NRXN3: variants seen among roughly 807,000 people sequenced by gnomAD.
The protein encoded by NRXN3 is neurexin III.
NRXN3 carries 32 observed loss-of-function variants against 137.6 expected under a neutral mutation model. That is an observed-to-expected ratio of 0.23 (90% CI 0.18 to 0.31). The LOEUF is 0.31. Ranked by LOEUF, NRXN3 falls within the 10% of genes least tolerant of loss-of-function variation. The probability of loss-of-function intolerance (pLI) is 1.00; values close to 1 mark genes in which losing one functional copy is unlikely to be tolerated. For synonymous variants in NRXN3, 798 were observed against 784.5 expected (o/e 1.02, Z -0.29); for missense variants, 1,574 against 2,062.5 (o/e 0.76, Z 4.59).
chr14:78,399,999 T>C (rs1431339026), intron 4 of NRXN3, among the ~76,000 whole-genome samples: 4 of 152,258 alleles, frequency 2.6e-5, no homozygotes, highest in Non-Finnish European at 5.9e-5. Context: ...TTCTTTGTTT[T>C]TACAATATCT....
At chr14:78,668,530 G>C (rs187547481) in intron 6 of NRXN3, among the ~76,000 whole-genome samples, 2 of 152,160 alleles carry the variant, frequency 1.3e-5, no homozygotes, top group African/African-American at 4.8e-5. Flanking sequence ...GGGGAGTAAA[G>C]GGATATTGAA....
At chr14:79,594,196 C>T (rs567043876) in intron 16 of NRXN3, among the ~76,000 whole-genome samples, 37 of 152,128 alleles carry the variant, frequency 2.4e-4, no homozygotes, top group Non-Finnish European at 4.4e-4. Flanking sequence ...GAAATAATGT[C>T]TAAGTATATC....
intron 16 of NRXN3, among the ~76,000 whole-genome samples, chr14:79,492,583 G>A (rs139713283): frequency 9.2e-5 from 14 of 152,154 alleles, no homozygotes; most frequent in South Asian, 2.1e-4. Context: ...GGTTTTCGCC[G>A]TGTTGGCCAG....
At chr14:79,308,905 A>AT (rs1191339242) in intron 15 of NRXN3, among the ~76,000 whole-genome samples, 21 of 77,584 alleles carry the variant, frequency 2.7e-4, no homozygotes, top group African/African-American at 1.1e-3. Flanking sequence ...TTTTTATTTT[A>AT]TTTATTTATT....
intron 7 of NRXN3, among the ~76,000 whole-genome samples, chr14:78,713,225 C>T (rs930424990): frequency 1.3e-5 from 2 of 152,128 alleles, no homozygotes; most frequent in African/African-American, 2.4e-5. Flanking sequence ...TCTACAATCT[C>T]ATTTGATGCT....
intron 15 of NRXN3, among the ~76,000 whole-genome samples, chr14:79,278,629 TCAGGACTACAGGC>T (rs1197814390): frequency 1.3e-5 from 2 of 152,176 alleles, no homozygotes; most frequent in Admixed American, 1.3e-4. Context: ...AGTTTTTTGA[TCAGGACTACAGGC>T]GCGGACGATA....
chr14:79,013,365 A>G (rs888289285), intron 15 of NRXN3, among the ~76,000 whole-genome samples: 1 of 152,166 alleles, frequency 6.6e-6, no homozygotes, highest in Non-Finnish European at 1.5e-5. Context: ...AAAGCAGGCC[A>G]ATTTTATGCC....
intron 16 of NRXN3, among the ~76,000 whole-genome samples, chr14:79,484,172 C>T (rs2096634517): frequency 6.6e-6 from 1 of 152,130 alleles, no homozygotes; most frequent in African/African-American, 2.4e-5. Context: ...TCCCATTGCC[C>T]CAGCACATCC....
chr14:79,523,499 A>G (rs1261752691), intron 16 of NRXN3, among the ~76,000 whole-genome samples: 1 of 152,232 alleles, frequency 6.6e-6, no homozygotes, highest in East Asian at 1.9e-4. Flanking sequence ...CAATTACTGT[A>G]TAAGTAAAAT....
chr14:79,187,373 A>C (rs1164508195), intron 15 of NRXN3, among the ~76,000 whole-genome samples: 2 of 152,160 alleles, frequency 1.3e-5, no homozygotes, highest in African/African-American at 4.8e-5. Context: ...TTTAATCTTT[A>C]CAATATTTCT....
chr14:78,637,331 A>G (rs1363828450), intron 4 of NRXN3, among the ~76,000 whole-genome samples: 5 of 152,190 alleles, frequency 3.3e-5, no homozygotes, highest in Non-Finnish European at 5.9e-5. Context: ...TCATAACTCA[A>G]GACACATTTT....
chr14:79,215,299 G>A (rs1337341203), intron 15 of NRXN3, among the ~76,000 whole-genome samples: 1 of 151,882 alleles, frequency 6.6e-6, no homozygotes, highest in African/African-American at 2.4e-5. Flanking sequence ...TATAATATTT[G>A]CAGCTTGGTC....
At chr14:79,558,774 G>A (rs936766944) in intron 16 of NRXN3, among the ~76,000 whole-genome samples, 1 of 152,098 alleles carries the variant, frequency 6.6e-6, no homozygotes, top group African/African-American at 2.4e-5. Context: ...TAAAACAAGA[G>A]AGTCAGCCCA....
chr14:79,354,369 A>G (rs1310268613), intron 15 of NRXN3, among the ~76,000 whole-genome samples: 1 of 152,158 alleles, frequency 6.6e-6, no homozygotes, highest in Non-Finnish European at 1.5e-5. Context: ...AAAAATGTTA[A>G]TTTTCCAAAA....
At chr14:79,658,896 G>A (rs2098519331) in intron 16 of NRXN3, among the ~76,000 whole-genome samples, 1 of 152,134 alleles carries the variant, frequency 6.6e-6, no homozygotes, top group Admixed American at 6.6e-5. Context: ...TTCTAAAATA[G>A]CGGATGATGC....
At chr14:78,472,809 TCTCCA>T (rs765464608) in intron 4 of NRXN3, among the ~76,000 whole-genome samples, 14 of 152,146 alleles carry the variant, frequency 9.2e-5, no homozygotes, top group Non-Finnish European at 1.8e-4. Flanking sequence ...TGCTGGCTTG[TCTCCA>T]CTCCACACTC....
At chr14:79,742,519 A>G (rs986831539) in intron 19 of NRXN3, among the ~76,000 whole-genome samples, 1 of 152,078 alleles carries the variant, frequency 6.6e-6, no homozygotes, top group Non-Finnish European at 1.5e-5. Flanking sequence ...CTCTCCACCT[A>G]TATTATCATG....
At position 78,403,588 on chromosome 14, in the gene NRXN3, C is replaced by T. The variant is rs1169799841; in HGVS notation, c.757+105728C>T. Reference sequence around the variant, plus strand: ...AGTGTATGCACAAAACACCCTGTCCCGGGCCCCAGATGTGTGCAGGTTTCT... The same window carrying T: ...AGTGTATGCACAAAACACCCTGTCCTGGGCCCCAGATGTGTGCAGGTTTCT... On this transcript the variant is annotated intron_variant, in intron 4 of 20. Transcript: ENST00000335750. 2.2e-4 allele frequency: 75 copies of T among 348,096 alleles called. 1 individual carries two copies. The highest frequency in any genetic ancestry group is 8.4e-4 in the East Asian group (5 of 5,984). The allele number at this position is 348,096 out of a possible 1,614,324, so 21.6% of individuals were successfully genotyped here.
intron 4 of NRXN3, among the ~76,000 whole-genome samples, chr14:78,322,015 A>C (rs1178288843): frequency 1.3e-5 from 2 of 151,924 alleles, no homozygotes; most frequent in Non-Finnish European, 2.9e-5. Context: ...TAAAACTAGG[A>C]TCACACTCCC....
Sources: gnomAD v4.1 joint callset for allele counts (sites outside exome capture counted in the v4.1 genomes callset) on GRCh38, gnomAD v4.1.1 for gene constraint, MANE v1.5 for transcripts, NCBI Gene and HGNC (gene_info 2026-07-23, HGNC 2026-07-21) for gene names.